Variants in ATP7A observed in about 807,000 individuals in gnomAD.
ATP7A encodes ATPase copper transporting alpha, also known as copper-transporting ATPase 1.
Under a neutral mutation model 83.5 loss-of-function variants are expected in ATP7A, and 7 were observed. The ratio of observed to expected loss-of-function variants is 0.08; its 90% confidence interval spans 0.05 to 0.16. The LOEUF (loss-of-function observed/expected upper bound fraction) is 0.16, where lower values mean the gene tolerates loss of function less well. Among genes scored for constraint, ATP7A ranks in the 10% least tolerant of loss-of-function variants. The probability of loss-of-function intolerance (pLI) is 1.00; values close to 1 mark genes in which losing one functional copy is unlikely to be tolerated. For synonymous variants in ATP7A, 354 were observed against 395.2 expected (o/e 0.90, Z 1.24); for missense variants, 940 against 1,120.8 (o/e 0.84, Z 2.30).
At chrX:77,937,264 T>C (rs782306883) in intron 1 of ATP7A, among the ~76,000 whole-genome samples, 14 of 112,456 alleles carry the variant, frequency 1.2e-4, no homozygotes, top group Middle Eastern at 4.6e-3. Flanking sequence ...ATAAATAAAA[T>C]TAAAGTGAGA....
At chrX:77,987,793 T>C (rs1189811586) in intron 2 of ATP7A, among the ~76,000 whole-genome samples, 1 of 111,646 alleles carries the variant, frequency 9.0e-6, no homozygotes, top group East Asian at 2.8e-4. Flanking sequence ...AATTGACATA[T>C]AATAGTTATA....
intron 21 of ATP7A, among the ~76,000 whole-genome samples, chrX:78,043,653 C>T (rs2078064035): frequency 1.9e-5 from 2 of 106,945 alleles, no homozygotes. Context: ...TTTTTTCCCT[C>T]CAACTTTTTT....
intron 1 of ATP7A, among the ~76,000 whole-genome samples, chrX:77,959,439 A>G (rs1391376584): frequency 9.0e-6 from 1 of 111,304 alleles, no homozygotes; most frequent in Non-Finnish European, 1.9e-5. Context: ...TCTCATTCTC[A>G]GTGCTATAGA....
chrX:78,025,595 A>G (rs1444288290), intron 14 of ATP7A, among the ~76,000 whole-genome samples: 3 of 111,907 alleles, frequency 2.7e-5, no homozygotes, highest in African/African-American at 9.7e-5. Flanking sequence ...CTCCTGCAAG[A>G]CACTATACAA....
chrX:77,998,987 TA>T (rs2077722179), intron 5 of ATP7A, among the ~76,000 whole-genome samples: 1 of 110,184 alleles, frequency 9.1e-6, no homozygotes, highest in Non-Finnish European at 1.9e-5. Flanking sequence ...TGTTGGATTT[TA>T]AGGAACATAA....
At chrX:78,003,263 T>G in intron 6 of ATP7A, 27 bp downstream of exon 6, 1 of 1,189,044 alleles carries the variant, frequency 8.4e-7, no homozygotes, top group Non-Finnish European at 1.1e-6. Flanking sequence ...GTGTGATTAA[T>G]AAAACTTCCA....
At chrX:77,962,772 A>G (rs781787719) in intron 1 of ATP7A, 10 of 388,074 alleles carry the variant, frequency 2.6e-5, no homozygotes, top group Admixed American at 2.0e-4. Context: ...TCTTGAAGCC[A>G]TATCTACAGT....
Position 78,003,094 on chromosome X carries a change from C to T in ATP7A, c.1565C>T (p.Ala522Val), listed in dbSNP as rs1372374796. ...TTAGGAATATATTCTATACTTGTGG[C>T]CCTGATGGCTGGCAAGGCAGAAGTA... ...REEGIYSILV[A>V]LMAGKAEVRY... The change falls in exon 6 of 23, where the codon GCC (alanine) becomes GTC (valine). Residue 522 changes from alanine (A) to valine (V), a missense_variant. Around this residue, in one of 3 missense-constraint regions of ATP7A, gnomAD observed 350 missense variants for 432.8 expected, o/e 0.81. Transcript: ENST00000341514. 1 of 1,207,344 alleles carries T rather than the reference C, an allele frequency of 8.3e-7. No homozygotes were observed. Among genetic ancestry groups the T allele is most frequent in the Non-Finnish European group, 1.1e-6 (1 of 893,538 alleles).
At chrX:77,932,682 C>T (rs2077295104) in intron 1 of ATP7A, among the ~76,000 whole-genome samples, 1 of 113,014 alleles carries the variant, frequency 8.8e-6, no homozygotes, top group South Asian at 3.6e-4. Context: ...GCTGGCAGAT[C>T]ACTCGCGGTT....
At chrX:77,969,502 C>T (rs782301078) in intron 1 of ATP7A, 35 of 1,208,970 alleles carry the variant, frequency 2.9e-5, no homozygotes, top group Non-Finnish European at 3.8e-5. Flanking sequence ...GCCAGCATCT[C>T]GTAGCGCCTG....
chrX:77,991,672 A>G (rs1349265222), intron 4 of ATP7A, among the ~76,000 whole-genome samples: 1 of 111,360 alleles, frequency 9.0e-6, no homozygotes, highest in Non-Finnish European at 1.9e-5. Flanking sequence ...TCCATTTTAC[A>G]TTACCATCTC....
chrX:77,953,582 C>A (rs1411936122), intron 1 of ATP7A, among the ~76,000 whole-genome samples: 2 of 112,491 alleles, frequency 1.8e-5, no homozygotes, highest in Non-Finnish European at 3.7e-5. Context: ...CATGTTTCTA[C>A]CTTTTGTCTA....
chrX:77,921,665 G>A (rs1302732831), intron 1 of ATP7A, among the ~76,000 whole-genome samples: 2 of 112,020 alleles, frequency 1.8e-5, no homozygotes, highest in African/African-American at 6.5e-5. Flanking sequence ...CACTTTGGGA[G>A]TCCCAGGCGG....
rs782700754 is a variant in ATP7A at position 78,003,273 on chromosome X, A to AG, written c.1707+38dup. On this transcript the variant is annotated intron_variant, in intron 6 of 22. Coordinates refer to ENST00000341514, the MANE Select transcript of ATP7A (RefSeq NM_000052.7). ...TTTTTGTGTGATTAATAAAACTTCC[A>AG]GAAAAAAAACTTGGTAAGGTTCAGA... 5.6e-3 allele frequency: 6,595 copies of AG among 1,168,462 alleles called. 23 individuals carry two copies. The highest frequency in any genetic ancestry group is 6.8e-3 in the Non-Finnish European group (5,872 of 858,094).
At chrX:77,923,520 C>G (rs2077225863) in intron 1 of ATP7A, 1 of 110,712 alleles carries the variant, frequency 9.0e-6, no homozygotes, top group South Asian at 3.8e-4. Flanking sequence ...TTCAGTGATG[C>G]CAAAGTATGG....
At chrX:77,911,424 C>T (rs543200208) in intron 1 of ATP7A, among the ~76,000 whole-genome samples, 8 of 111,809 alleles carry the variant, frequency 7.2e-5, no homozygotes, top group African/African-American at 1.9e-4. Context: ...TAAGCACAAA[C>T]ACTTATCGTT....
Position 78,012,729 on chromosome X carries a change from A to G in ATP7A, c.2173-150A>G. ...TCTGCATGTACATCTATTGAAATACAAACACGATTGTTTTGGCTTAATCTC... is the reference window on the plus strand; with the variant it reads ...TCTGCATGTACATCTATTGAAATACGAACACGATTGTTTTGGCTTAATCTC... On this transcript the variant is annotated intron_variant, in intron 9 of 22. Transcript: ENST00000341514. The G allele has an allele frequency of 7.8e-6, 4 of 514,779 alleles. No individual in the cohort carries two copies. In the South Asian group the frequency reaches 8.4e-5, roughly 11 times the overall value. The allele number at this position is 514,779 out of a possible 1,213,427, so 42.4% of individuals were successfully genotyped here. A position where few individuals can be genotyped will look rare whatever the true frequency, so the allele number is the denominator to read the frequency against.
chrX:77,948,510 ATGT>A (rs1230367014), intron 1 of ATP7A, among the ~76,000 whole-genome samples: 1 of 112,427 alleles, frequency 8.9e-6, no homozygotes, highest in Non-Finnish European at 1.9e-5. Flanking sequence ...GAAAAGACAA[ATGT>A]TGTATAAAAC....
intron 1 of ATP7A, among the ~76,000 whole-genome samples, chrX:77,932,379 G>C (rs1303816609): frequency 9.2e-6 from 1 of 108,177 alleles, no homozygotes; most frequent in Non-Finnish European, 1.9e-5. Flanking sequence ...TCACTTCCTA[G>C]ATGGGATGGC....
Sources: allele counts gnomAD v4.1 joint callset (sites outside exome capture counted in the v4.1 genomes callset), GRCh38; gene constraint gnomAD v4.1.1; regional missense constraint gnomAD v4.1.1; transcripts MANE v1.5; gene names NCBI Gene and HGNC (gene_info 2026-07-23, HGNC 2026-07-21).